The following YAP1 variants were observed in gnomAD, a reference collection of about 807,000 sequenced individuals.
The protein encoded by YAP1 is Yes1 associated transcriptional regulator, also known as transcriptional coactivator YAP1.
Under a neutral mutation model 56.9 loss-of-function variants are expected in YAP1, and 5 were observed. That is an observed-to-expected ratio of 0.09 (90% CI 0.05 to 0.18). The LOEUF (loss-of-function observed/expected upper bound fraction) is 0.18, where lower values mean the gene tolerates loss of function less well. YAP1 is among the 10% of genes least tolerant of loss of function. The pLI, the probability that YAP1 is intolerant of heterozygous loss-of-function variation, is 1.00. For missense variants in YAP1, 539 were observed against 651.8 expected, an observed-to-expected ratio of 0.83 and a Z score of 1.88; for synonymous variants, 265 against 248.1, an observed-to-expected ratio of 1.07 and a Z score of -0.64.
chr11:102,218,752 A>T lies in YAP1; in HGVS notation c.1033-4870A>T, dbSNP rs543766394. On this transcript the variant is annotated intron_variant, in intron 6 of 8. Transcript: ENST00000282441. ...CGGATATCTCCTTAGGTAACTTGGA[A>T]TGATTTCCCTGCTTACTGACATCTC... Among the ~76,000 whole-genome samples the T allele has an allele frequency of 2.6e-5, 4 of 152,360 alleles. No individual in the cohort carries two copies. The East Asian group carries it at 7.7e-4, about 29-fold the overall frequency.
chr11:102,120,968 T>C (rs1428788227), intron 2 of YAP1, among the ~76,000 whole-genome samples: 2 of 152,342 alleles, frequency 1.3e-5, no homozygotes, highest in East Asian at 1.9e-4. Flanking sequence ...GATTTTTTTT[T>C]CCTGTATATG....
chr11:102,219,908 A>G (rs893272286), intron 6 of YAP1, among the ~76,000 whole-genome samples: 2 of 151,408 alleles, frequency 1.3e-5, no homozygotes, highest in African/African-American at 4.9e-5. Flanking sequence ...ATTTTTTTAT[A>G]TTTTCAGTAG....
intron 6 of YAP1, among the ~76,000 whole-genome samples, chr11:102,213,436 A>C (rs956622002): frequency 6.6e-6 from 1 of 152,200 alleles, no homozygotes; most frequent in African/African-American, 2.4e-5. Flanking sequence ...CAGTGAGCCA[A>C]GATCGTGGCA....
At chr11:102,211,669 T>C (rs1949409449) in intron 6 of YAP1, among the ~76,000 whole-genome samples, 1 of 152,134 alleles carries the variant, frequency 6.6e-6, no homozygotes. Flanking sequence ...TTAAGGTAGA[T>C]GTCAGGAAAT....
chr11:102,148,126 A>T (rs567428541), intron 2 of YAP1, among the ~76,000 whole-genome samples: 214 of 152,270 alleles, frequency 1.4e-3, no homozygotes, highest in Non-Finnish European at 2.4e-3. Flanking sequence ...GAATGCTTTT[A>T]CTCTGTTTTA....
intron 7 of YAP1, 94 bp downstream of exon 7, chr11:102,223,846 G>C (rs189644195): frequency 5.4e-6 from 8 of 1,485,746 alleles, no homozygotes; most frequent in Non-Finnish European, 7.3e-6. Flanking sequence ...TGGAACATCT[G>C]TGTGGGCCAA....
At chr11:102,220,231 G>T (rs1223843381) in intron 6 of YAP1, among the ~76,000 whole-genome samples, 1 of 151,968 alleles carries the variant, frequency 6.6e-6, no homozygotes, top group Non-Finnish European at 1.5e-5. Flanking sequence ...GAAAAGAAAT[G>T]GACTTCCCTG....
chr11:102,137,193 G>GAA (rs1944723251), intron 2 of YAP1, among the ~76,000 whole-genome samples: 1 of 152,156 alleles, frequency 6.6e-6, no homozygotes, highest in South Asian at 2.1e-4. Flanking sequence ...GCTTCTTACT[G>GAA]CCTTAGGACC....
intron 3 of YAP1, among the ~76,000 whole-genome samples, chr11:102,173,155 C>G (rs959334351): frequency 6.6e-6 from 1 of 151,930 alleles, no homozygotes; most frequent in South Asian, 2.1e-4. Context: ...TACTAGTGGA[C>G]GAGTGGGAAG....
rs867350713 is a variant in YAP1 at position 102,162,517 on chromosome 11, G to A, written c.634G>A (p.Val212Ile). ...PRKAMLSQMN[V>I]TAPTSPPVQQ... is the part of the protein sequence containing the mutation. ...GAAGGCCATGCTGTCCCAGATGAACGTCACAGCCCCCACCAGTCCACCAGT... is the reference window on the plus strand; with the variant it reads ...GAAGGCCATGCTGTCCCAGATGAACATCACAGCCCCCACCAGTCCACCAGT... Residue 212 changes from valine (V) to isoleucine (I), a missense_variant, in exon 3 of 9, where the codon GTC becomes ATC. By Grantham distance (29) the Val-to-Ile change is conservative. Around this residue, in one of 4 missense-constraint regions of YAP1, gnomAD observed 414 missense variants for 512.4 expected, o/e 0.81. Transcript: ENST00000282441. 4.3e-6 allele frequency: 7 copies of A among 1,614,086 alleles called. No individual in the cohort carries two copies. The highest frequency in any genetic ancestry group is 1.6e-4 in the Middle Eastern group (1 of 6,084).
intron 6 of YAP1, among the ~76,000 whole-genome samples, chr11:102,221,415 T>G (rs1949922835): frequency 6.6e-6 from 1 of 152,138 alleles, no homozygotes. Context: ...ACGTGCTTCT[T>G]TTTAATGTAT....
intron 4 of YAP1, among the ~76,000 whole-genome samples, chr11:102,204,363 T>C: frequency 6.6e-6 from 1 of 152,176 alleles, no homozygotes; most frequent in Non-Finnish European, 1.5e-5. Flanking sequence ...CAGCGCACAC[T>C]TTGTGCCAGA....
At chr11:102,221,574 T>G (rs914282489) in intron 6 of YAP1, among the ~76,000 whole-genome samples, 1 of 151,832 alleles carries the variant, frequency 6.6e-6, no homozygotes, top group African/African-American at 2.4e-5. Context: ...ATACAAAAAA[T>G]TAGCTGGGTA....
At chr11:102,127,692 C>G (rs1944116308) in intron 2 of YAP1, among the ~76,000 whole-genome samples, 1 of 152,166 alleles carries the variant, frequency 6.6e-6, no homozygotes, top group Non-Finnish European at 1.5e-5. Flanking sequence ...AGAGAGCCAC[C>G]ATCCTCCAGA....
chr11:102,130,658 C>T (rs1944320445), intron 2 of YAP1, among the ~76,000 whole-genome samples: 1 of 151,738 alleles, frequency 6.6e-6, no homozygotes, highest in Non-Finnish European at 1.5e-5. Flanking sequence ...TCACTTCAGC[C>T]TCCCAAAATG....
chr11:102,157,721 A>G (rs1267815014), intron 2 of YAP1, among the ~76,000 whole-genome samples: 3 of 152,154 alleles, frequency 2.0e-5, no homozygotes, highest in Non-Finnish European at 2.9e-5. Context: ...GAAGTGGGTG[A>G]CTTGGTTGTC....
In YAP1 at chr11:102,133,170, T is replaced by C. The variant is rs374439252; in HGVS notation, c.572+18776T>C. ...AGACTCCGTCTCAAAAATAAATAAA[T>C]AAACAAACAAACAAACAATTTGGTT... is the stretch of plus-strand genomic sequence containing the variant. On this transcript the variant is annotated intron_variant, in intron 2 of 8. Coordinates refer to ENST00000282441, the MANE Select transcript of YAP1 (RefSeq NM_001130145.3). 6.2e-3 allele frequency among the ~76,000 whole-genome samples: 937 copies of C among 151,774 alleles called. 9 individuals carry two copies. Among genetic ancestry groups the C allele is most frequent in the African/African-American group, 0.02 (844 of 41,432 alleles).
intron 2 of YAP1, among the ~76,000 whole-genome samples, chr11:102,122,082 G>C (rs1591130337): frequency 6.6e-6 from 1 of 152,134 alleles, no homozygotes; most frequent in African/African-American, 2.4e-5. Flanking sequence ...TATGGTTTTT[G>C]TTATAAAACT....
At chr11:102,160,018 ATTTTTTTT>A (rs34332940) in intron 2 of YAP1, among the ~76,000 whole-genome samples, 4 of 109,006 alleles carry the variant, frequency 3.7e-5, no homozygotes, top group African/African-American at 1.5e-4. Flanking sequence ...TACATAAAGG[ATTTTTTTT>A]TTTTTTTTTT....
Sources: gnomAD v4.1 joint callset for allele counts (sites outside exome capture counted in the v4.1 genomes callset) on GRCh38, gnomAD v4.1.1 for gene constraint, gnomAD v4.1.1 regional missense constraint, MANE v1.5 for transcripts, NCBI Gene and HGNC (gene_info 2026-07-23, HGNC 2026-07-21) for gene names.